The following SNX15 variants were observed in gnomAD, a reference collection of about 807,000 sequenced individuals.
The protein encoded by SNX15 is sorting nexin 15.
Under a neutral mutation model 35.2 loss-of-function variants are expected in SNX15, and 29 were observed. The ratio of observed to expected loss-of-function variants is 0.82; its 90% CI spans 0.61 to 1.12. SNX15 has a LOEUF of 1.12. Ranked by LOEUF, SNX15 falls within the 50% of genes most tolerant of loss-of-function variation. SNX15 has a pLI of 0.00. For synonymous variants in SNX15, 189 were observed against 188.2 expected, an observed-to-expected ratio of 1.00 and a Z score of -0.03; for missense variants, 400 against 451.5, an observed-to-expected ratio of 0.89 and a Z score of 1.03.
chr11:65,032,050 C>A, intron 1 of SNX15, 118 bp from the exon 2 acceptor site: 1 of 955,610 alleles, frequency 1.0e-6, no homozygotes, highest in East Asian at 2.4e-5. Context: ...TGCCAGAGGC[C>A]AATGGCCAAA....
chr11:65,035,432 G>A, intron 5 of SNX15, 88 bp from the exon 6 acceptor site: 1 of 1,426,516 alleles, frequency 7.0e-7, no homozygotes, highest in Non-Finnish European at 9.5e-7. Flanking sequence ...GCCCATGGTT[G>A]CTGCAAGGGT....
chr11:65,036,297 C>G (rs565037539), intron 6 of SNX15: 1 of 152,418 alleles, frequency 6.6e-6, no homozygotes, highest in East Asian at 1.9e-4. Flanking sequence ...CCTGTAATCT[C>G]GACACTTTGG....
intron 6 of SNX15, chr11:65,036,156 G>A (rs1403811898): frequency 6.5e-6 from 1 of 153,354 alleles, no homozygotes; most frequent in East Asian, 1.9e-4. Flanking sequence ...GAGGTAGAAG[G>A]GCCCCCCCAA....
chr11:65,029,077 C>T (rs1473221989), intron 1 of SNX15, among the ~76,000 whole-genome samples: 1 of 144,162 alleles, frequency 6.9e-6, no homozygotes, highest in Non-Finnish European at 1.5e-5. Context: ...GGAGACAGAG[C>T]GAGACTCCGT....
intron 3 of SNX15, among the ~76,000 whole-genome samples, chr11:65,033,269 G>A (rs570434128): frequency 6.6e-6 from 1 of 152,100 alleles, no homozygotes; most frequent in East Asian, 1.9e-4. Context: ...TTGTGGCTAG[G>A]TGTGATGGCT....
At chr11:65,034,214 A>C (rs1423993806) in intron 3 of SNX15, among the ~76,000 whole-genome samples, 1 of 152,124 alleles carries the variant, frequency 6.6e-6, no homozygotes, top group Non-Finnish European at 1.5e-5. Context: ...TGAGCTCAGG[A>C]GTTCAAGACC....
intron 1 of SNX15, among the ~76,000 whole-genome samples, chr11:65,031,519 G>C (rs1180634322): frequency 2.6e-5 from 4 of 152,264 alleles, no homozygotes; most frequent in Admixed American, 1.3e-4. Flanking sequence ...CAGGGAAGGA[G>C]GTTCCTGAGG....
intron 2 of SNX15, 90 bp downstream of exon 2, chr11:65,032,293 C>A: frequency 6.4e-7 from 1 of 1,568,126 alleles, no homozygotes; most frequent in Non-Finnish European, 8.8e-7. Context: ...TGGACATCGG[C>A]CCTCCTTCCT....
At chr11:65,027,697 T>A in intron 1 of SNX15, 61 bp downstream of exon 1, 1 of 1,282,318 alleles carries the variant, frequency 7.8e-7, no homozygotes, top group Non-Finnish European at 1.1e-6. Flanking sequence ...AGTTTTACCT[T>A]AAGGAAAGGC....
At position 65,040,040 on chromosome 11, in the gene SNX15, C is replaced by T. The variant is rs1465476261; in HGVS notation, c.*248C>T. Reference sequence around the variant, plus strand: ...TTTTTGAGTTGGAGTCTCGCTGTGTCGCCCAGACTGGAGTGCAGTGGTGGG... The same window carrying T: ...TTTTTGAGTTGGAGTCTCGCTGTGTTGCCCAGACTGGAGTGCAGTGGTGGG... On this transcript the variant is annotated 3_prime_UTR_variant, in exon 8 of 8. Transcript: ENST00000377244. The T allele has an allele frequency of 2.4e-6, 1 of 421,684 alleles. No individual in the cohort carries two copies. Among genetic ancestry groups the T allele is most frequent in the Non-Finnish European group, 4.4e-6 (1 of 228,420 alleles). 26.1% of individuals were successfully genotyped at this position (421,684 alleles called of 1,614,324 possible). A position where few individuals can be genotyped will look rare whatever the true frequency, so the allele number is the denominator to read the frequency against.
chr11:65,034,435 G>T (rs1207115684), intron 3 of SNX15, among the ~76,000 whole-genome samples: 1 of 152,056 alleles, frequency 6.6e-6, no homozygotes, highest in Non-Finnish European at 1.5e-5. Flanking sequence ...AATAAACGGG[G>T]GCTCCTTGCT....
chr11:65,028,528 A>G (rs981963251), intron 1 of SNX15, among the ~76,000 whole-genome samples: 6 of 152,136 alleles, frequency 3.9e-5, no homozygotes, highest in Non-Finnish European at 7.3e-5. Flanking sequence ...CATGCCTAAA[A>G]ATAATGCAAA....
intron 3 of SNX15, 52 bp from the exon 4 acceptor site, chr11:65,034,795 G>A (rs6591869): frequency 0.6 from 854,399 of 1,432,918 alleles, 263,092 homozygotes; most frequent in Middle Eastern, 0.67. Flanking sequence ...TGGGGCAGAA[G>A]CCCCTGTGGG....
In SNX15 at chr11:65,027,655, C is replaced by A. The variant is rs1391549242; in HGVS notation, c.99+19C>A. The A allele has an allele frequency of 6.3e-7, 1 of 1,585,440 alleles. No homozygotes were observed. Among genetic ancestry groups the A allele is most frequent in the South Asian group, 1.1e-5 (1 of 90,510 alleles). On this transcript the variant is annotated intron_variant, in intron 1 of 7. Transcript: ENST00000377244. ...CGCGCAGGTGAGGTGGGGCCCAGCG[C>A]GTACTTTACCCTTTTAACTAGAGGG...
Position 65,027,481 on chromosome 11 carries a change from G to A in SNX15, c.-57G>A, listed in dbSNP as rs756344009. ...GCGGCGGGCGGAGGCTGGGCCGGAG[G>A]GGTGGGGACGGCGAGGAGGTGGAGG... On this transcript the variant is annotated 5_prime_UTR_variant, in exon 1 of 8. Coordinates refer to ENST00000377244, the MANE Select transcript of SNX15 (RefSeq NM_013306.5). 2.6e-5 allele frequency: 36 copies of A among 1,395,130 alleles called. No individual in the cohort carries two copies. Among genetic ancestry groups the A allele is most frequent in the Non-Finnish European group, 3.7e-5 (36 of 982,482 alleles). 86.4% of individuals were successfully genotyped at this position (1,395,130 alleles called of 1,614,324 possible). A position where few individuals can be genotyped will look rare whatever the true frequency, so the allele number is the denominator to read the frequency against.
intron 1 of SNX15, among the ~76,000 whole-genome samples, chr11:65,029,275 A>G (rs892026519): frequency 4.7e-5 from 7 of 150,398 alleles, no homozygotes; most frequent in African/African-American, 1.5e-4. Context: ...TCCCACCTCA[A>G]CCTCCCAGGT....
At chr11:65,038,544 G>C in intron 6 of SNX15, 28 bp from the exon 7 acceptor site, 1 of 1,514,256 alleles carries the variant, frequency 6.6e-7, no homozygotes, top group Non-Finnish European at 8.8e-7. Context: ...GGGCCAGTCT[G>C]GTCCGAGTCC....
In SNX15 at chr11:65,038,807, C is replaced by T. The variant is rs373779233; in HGVS notation, c.900C>T (p.His300=). Residue 300 remains histidine, a synonymous_variant, in exon 7 of 8, where the codon CAC becomes CAT. Transcript: ENST00000377244. Reference sequence around the variant, plus strand: ...TCCAGGGCTATCGAGACGGCGTGCACGTCTTGCTTCAGGGAGTCCCCAGTG... The same window carrying T: ...TCCAGGGCTATCGAGACGGCGTGCATGTCTTGCTTCAGGGAGTCCCCAGTG... ...AALQGYRDGV[H]VLLQGVPSDP... is the part of the protein sequence containing the mutation. 6.9e-6 allele frequency: 11 copies of T among 1,590,592 alleles called. No homozygotes were observed. Among genetic ancestry groups the T allele is most frequent in the African/African-American group, 2.7e-5 (2 of 74,654 alleles).
At chr11:65,035,497 G>T (rs1310395371) in intron 5 of SNX15, 23 bp from the exon 6 acceptor site, 1 of 1,561,750 alleles carries the variant, frequency 6.4e-7, no homozygotes, top group Non-Finnish European at 8.6e-7. Flanking sequence ...AGGTATTCAT[G>T]ACCCCACTTA....
Sources: gnomAD v4.1 joint callset for allele counts (sites outside exome capture counted in the v4.1 genomes callset) on GRCh38, gnomAD v4.1.1 for gene constraint, MANE v1.5 for transcripts, NCBI Gene and HGNC (gene_info 2026-07-23, HGNC 2026-07-21) for gene names.